Variants in NRAP observed in about 807,000 individuals in gnomAD.
NRAP encodes nebulin related anchoring protein, also known as nebulin-related-anchoring protein.
In NRAP, 189 loss-of-function variants were observed where a neutral mutation model predicts 225.9. The observed-to-expected ratio is 0.84, with a 90% confidence interval of 0.74 to 0.94. The LOEUF is 0.94. Among genes scored for constraint, NRAP ranks in the 40% least tolerant of loss-of-function variants. The probability of loss-of-function intolerance (pLI) is 0.00; values close to 1 mark genes in which losing one functional copy is unlikely to be tolerated. For missense variants in NRAP, 2,176 were observed against 2,168.7 expected (o/e 1.00, Z -0.07); for synonymous variants, 769 against 790.7 (o/e 0.97, Z 0.46).
intron 41 of NRAP, 136 bp from the exon 42 acceptor site, chr10:113,589,215 T>G: frequency 4.6e-6 from 3 of 658,330 alleles, no homozygotes; most frequent in Non-Finnish European, 7.7e-6. Flanking sequence ...TCCCCTCTTC[T>G]ACCCTCCCCA....
intron 33 of NRAP, 79 bp from the exon 34 acceptor site, chr10:113,605,948 C>T (rs993561093): frequency 9.6e-6 from 10 of 1,042,948 alleles, no homozygotes; most frequent in South Asian, 2.6e-5. Flanking sequence ...TCATTTATAG[C>T]ACAGTGTTCC....
intron 20 of NRAP, among the ~76,000 whole-genome samples, 189 bp from the exon 21 acceptor site, chr10:113,626,334 T>A (rs1848291932): frequency 6.6e-6 from 1 of 152,148 alleles, no homozygotes; most frequent in African/African-American, 2.4e-5. Context: ...GTGAACTTGA[T>A]TTAGTTGCTA....
chr10:113,604,691 C>T lies in NRAP; in HGVS notation c.4145G>A (p.Arg1382Lys). The stretch of plus-strand genomic sequence containing the variant: ...TGCTGTGAACTTGTGATACTGTGTC[C>T]TGTAGTCGTGGTCGCTGGCCAGAGC... ...AQALASDHDYRTQYHKFTALP... is the reference protein window; with the variant it reads ...AQALASDHDYKTQYHKFTALP... The change falls in exon 35 of 42, where the codon AGG (arginine) becomes AAG (lysine). Residue 1382 changes from arginine to lysine, a missense_variant. Arg to Lys is a conservative substitution (Grantham distance 26). Transcript: ENST00000359988. 2 of 1,614,198 alleles carry T rather than the reference C, an allele frequency of 1.2e-6. No homozygotes were observed. Among genetic ancestry groups the T allele is most frequent in the South Asian group, 1.1e-5 (1 of 91,082 alleles).
rs1330323590 is a variant in NRAP, at chr10:113,651,997, A to G, written c.571-90T>C. On this transcript the variant is annotated intron_variant, in intron 6 of 41. Coordinates refer to ENST00000359988, the MANE Select transcript of NRAP (RefSeq NM_198060.4). ...GTGGCTCTCCTAAAGCTGCACCATC[A>G]GGCTACACTCAATGCAAACCTGTGG... is the stretch of plus-strand genomic sequence containing the variant. 3 of 802,526 alleles carry G rather than the reference A, an allele frequency of 3.7e-6. No individual in the cohort carries two copies. In the African/African-American group the frequency reaches 5.1e-5, roughly 14 times the overall value. 49.7% of individuals were successfully genotyped at this position (802,526 alleles called of 1,614,324 possible). A position where few individuals can be genotyped will look rare whatever the true frequency, so the allele number is the denominator to read the frequency against.
chr10:113,619,781 C>G (rs1847884774), intron 25 of NRAP, among the ~76,000 whole-genome samples: 3 of 152,086 alleles, frequency 2.0e-5, no homozygotes, highest in Admixed American at 1.3e-4. Flanking sequence ...AGTCTCCCTG[C>G]AAGCAAACAT....
chr10:113,663,272 A>G (rs940109889), intron 2 of NRAP, 80 bp downstream of exon 2: 4 of 841,032 alleles, frequency 4.8e-6, no homozygotes, highest in Non-Finnish European at 8.2e-6. Flanking sequence ...CCTGGGTTAT[A>G]TGATTTGAAC....
intron 32 of NRAP, among the ~76,000 whole-genome samples, chr10:113,607,862 C>T (rs1847090399): frequency 6.6e-6 from 1 of 152,222 alleles, no homozygotes; most frequent in Non-Finnish European, 1.5e-5. Context: ...GATTCCTTCC[C>T]TTGCACCTGC....
chr10:113,617,279 C>T (rs1459323725), intron 26 of NRAP, among the ~76,000 whole-genome samples, 176 bp downstream of exon 26: 2 of 152,122 alleles, frequency 1.3e-5, no homozygotes, highest in African/African-American at 4.8e-5. Context: ...AGTAACACCC[C>T]CATTTGCATC....
intron 29 of NRAP, 22 bp downstream of exon 29, chr10:113,614,161 T>C: frequency 6.6e-7 from 1 of 1,521,986 alleles, no homozygotes; most frequent in East Asian, 2.3e-5. Context: ...CTGCAGCCGC[T>C]GATGCCTCTC....
At chr10:113,602,173 C>T (rs572280372) in intron 35 of NRAP, among the ~76,000 whole-genome samples, 5 of 152,308 alleles carry the variant, frequency 3.3e-5, no homozygotes, top group South Asian at 2.1e-4. Context: ...CCACCACACC[C>T]GGCCCCTTTT....
rs762123130 is a variant in NRAP at position 113,614,860 on chromosome 10, A to G, written c.3165T>C (p.Ala1055=). Reference sequence around the variant, plus strand: ...TCACATCACTTATGATTTCACCAGAAGCCTTTGCTGCTTGGAATGGAAGGG... The same window carrying G: ...TCACATCACTTATGATTTCACCAGAGGCCTTTGCTGCTTGGAATGGAAGGG... ...LDALPFQAAK[A]SGEIISDYKY... The change falls in exon 28 of 42, where the codon GCT becomes GCC. Residue 1055 remains alanine, a synonymous_variant. Coordinates refer to ENST00000359988, the MANE Select transcript of NRAP (RefSeq NM_198060.4). 2.5e-6 allele frequency: 4 copies of G among 1,607,574 alleles called. No individual in the cohort carries two copies. Among genetic ancestry groups the G allele is most frequent in the Non-Finnish European group, 3.4e-6 (4 of 1,173,934 alleles).
intron 14 of NRAP, among the ~76,000 whole-genome samples, chr10:113,634,866 C>T (rs947683685): frequency 1.3e-5 from 2 of 152,208 alleles, no homozygotes; most frequent in African/African-American, 4.8e-5. Context: ...ATACATGCAT[C>T]TTCAAGTGGG....
chr10:113,637,537 T>C (rs1848945497), intron 14 of NRAP, among the ~76,000 whole-genome samples: 3 of 152,220 alleles, frequency 2.0e-5, no homozygotes, highest in South Asian at 2.1e-4. Flanking sequence ...AACAAACAAA[T>C]GACTTACAAG....
chr10:113,662,461 T>C (rs565235617), intron 3 of NRAP, among the ~76,000 whole-genome samples: 1 of 152,312 alleles, frequency 6.6e-6, no homozygotes, highest in East Asian at 1.9e-4. Context: ...TATTTAACTT[T>C]TTAAGAAATA....
At position 113,606,165 on chromosome 10, in the gene NRAP, C is replaced by T. The variant is rs771633370; in HGVS notation, c.3807+13G>A. 3.8e-6 allele frequency: 6 copies of T among 1,598,452 alleles called. No individual in the cohort carries two copies. Among genetic ancestry groups the T allele is most frequent in the Non-Finnish European group, 5.1e-6 (6 of 1,165,808 alleles). On this transcript the variant is annotated intron_variant, in intron 33 of 41. Transcript: ENST00000359988. ...TTGGAGCATGCTTGAACTTAAGTAA[C>T]AAAAGGGCTTACGTCACTCAGGTTG...
At chr10:113,593,269 G>A (rs1402226722) in intron 38 of NRAP, among the ~76,000 whole-genome samples, 3 of 152,140 alleles carry the variant, frequency 2.0e-5, no homozygotes, top group African/African-American at 7.2e-5. Context: ...TTTGTCTCCT[G>A]GAAATGGAGG....
rs915862760 is a variant in NRAP, at chr10:113,608,502, C to T, written c.3614G>A (p.Arg1205Gln). The change falls in exon 32 of 42, where the codon CGG (arginine) becomes CAG (glutamine). Residue 1205 changes from arginine (R) to glutamine (Q), a missense_variant. By Grantham distance (43) the Arg-to-Gln change is conservative. Around this residue, in one of 3 missense-constraint regions of NRAP, gnomAD observed 1,708 missense variants for 1,695.5 expected, o/e 1.01. Coordinates refer to ENST00000359988, the MANE Select transcript of NRAP (RefSeq NM_198060.4). ...ASELISESKYRQHPHSFKYTA... is the reference protein window; with the variant it reads ...ASELISESKYQQHPHSFKYTA... ...GTACTTGAATGAGTGGGGATGCTGC[C>T]GATATTTACTCTGAATTCACACACA... The T allele has an allele frequency of 5.0e-6, 8 of 1,608,172 alleles. No homozygotes were observed. Among genetic ancestry groups the T allele is most frequent in the East Asian group, 2.2e-5 (1 of 44,838 alleles).
intron 25 of NRAP, among the ~76,000 whole-genome samples, chr10:113,618,071 C>T (rs1031458507): frequency 1.3e-5 from 2 of 150,248 alleles, no homozygotes; most frequent in African/African-American, 4.9e-5. Context: ...GGAAATAATT[C>T]TTTAAAATAT....
rs746232095 is a variant in NRAP, at chr10:113,608,462, G to C, written c.3654C>G (p.Asp1218Glu). 6.2e-7 allele frequency: 1 copy of C among 1,613,742 alleles called. No individual in the cohort carries two copies. The highest frequency in any genetic ancestry group is 8.5e-7 in the Non-Finnish European group (1 of 1,179,682). ...PHSFKYTAVTDTPNLLHAKFS... is the reference protein window; with the variant it reads ...PHSFKYTAVTETPNLLHAKFS... ...ATTTCGCATGAAGGAGGTTGGGAGTGTCTGTCACAGCTGTGTACTTGAATG... is the reference window on the plus strand; with the variant it reads ...ATTTCGCATGAAGGAGGTTGGGAGTCTCTGTCACAGCTGTGTACTTGAATG... Residue 1218 changes from aspartate to glutamate, a missense_variant, in exon 32 of 42, where the codon GAC becomes GAG. Physicochemically the swap from Asp to Glu is conservative, Grantham distance 45. Coordinates refer to ENST00000359988, the MANE Select transcript of NRAP (RefSeq NM_198060.4).
Sources: allele counts gnomAD v4.1 joint callset (sites outside exome capture counted in the v4.1 genomes callset), GRCh38; gene constraint gnomAD v4.1.1; regional missense constraint gnomAD v4.1.1; transcripts MANE v1.5; gene names NCBI Gene and HGNC (gene_info 2026-07-23, HGNC 2026-07-21).